POGZ: variants seen among roughly 807,000 people sequenced by gnomAD.
POGZ encodes pogo transposable element derived with ZNF domain, also known as pogo transposable element with ZNF domain.
Under a neutral mutation model 134.6 loss-of-function variants are expected in POGZ, and 17 were observed. The ratio of observed to expected loss-of-function variants is 0.13; its 90% CI spans 0.09 to 0.19. The LOEUF (loss-of-function observed/expected upper bound fraction) is 0.19, where lower values mean the gene tolerates loss of function less well. Ranked by LOEUF, POGZ falls within the 10% of genes least tolerant of loss-of-function variation. The probability of loss-of-function intolerance (pLI) is 1.00; values close to 1 mark genes in which losing one functional copy is unlikely to be tolerated. For missense variants in POGZ, 1,306 were observed against 1,769.7 expected, an observed-to-expected ratio of 0.74 and a Z score of 4.70; for synonymous variants, 693 against 657.1, an observed-to-expected ratio of 1.05 and a Z score of -0.84.
intron 10 of POGZ, among the ~76,000 whole-genome samples, chr1:151,421,313 T>C (rs1656872262): frequency 6.6e-6 from 1 of 151,052 alleles, no homozygotes; most frequent in African/African-American, 2.4e-5. Flanking sequence ...TGCCAATAAA[T>C]GGTCAGAGAT....
At chr1:151,407,136 G>T in intron 16 of POGZ, 99 bp downstream of exon 16, 1 of 1,235,646 alleles carries the variant, frequency 8.1e-7, no homozygotes, top group South Asian at 1.3e-5. Context: ...TCCTTTTTCT[G>T]AAATTAATTC....
In POGZ at chr1:151,425,033, G is replaced by A. The variant is rs1657537298; in HGVS notation, c.1107C>T (p.Leu369=). The A allele has an allele frequency of 4.4e-6, 7 of 1,589,104 alleles. No homozygotes were observed. The highest frequency in any genetic ancestry group is 6.0e-6 in the Non-Finnish European group (7 of 1,161,566). The change falls in exon 8 of 19, where the codon CTC becomes CTT. Residue 369 remains leucine, a synonymous_variant. Transcript: ENST00000271715. ...KVTSSIPVFD[L]QDGGRKICPR... ...GACATATTTTCCGTCCACCATCCTGGAGGTCAAATACTGGGATGGAAGAGG... is the reference window on the plus strand; with the variant it reads ...GACATATTTTCCGTCCACCATCCTGAAGGTCAAATACTGGGATGGAAGAGG...
At chr1:151,457,813 G>GC (rs1001551730) in intron 1 of POGZ, among the ~76,000 whole-genome samples, 1 of 152,018 alleles carries the variant, frequency 6.6e-6, no homozygotes, top group African/African-American at 2.4e-5. Context: ...TGTAATCCCA[G>GC]CTACTAGGAA....
At chr1:151,452,935 CTT>C (rs1191310770) in intron 1 of POGZ, among the ~76,000 whole-genome samples, 1 of 151,190 alleles carries the variant, frequency 6.6e-6, no homozygotes, top group Non-Finnish European at 1.5e-5. Context: ...TCACCCTTTT[CTT>C]TTTTCTTCTT....
At chr1:151,417,516 A>G (rs1655963740) in intron 10 of POGZ, among the ~76,000 whole-genome samples, 1 of 151,966 alleles carries the variant, frequency 6.6e-6, no homozygotes, top group Non-Finnish European at 1.5e-5. Flanking sequence ...GTGCACCACC[A>G]TGCCCAACTA....
chr1:151,424,754 A>G (rs1004185328), intron 8 of POGZ, among the ~76,000 whole-genome samples: 6 of 152,208 alleles, frequency 3.9e-5, no homozygotes, highest in Admixed American at 1.3e-4. Flanking sequence ...GTAAGATCAC[A>G]TATGTTCTGA....
intron 12 of POGZ, among the ~76,000 whole-genome samples, chr1:151,411,100 TCCAGG>T (rs994153296): frequency 6.6e-6 from 1 of 152,190 alleles, no homozygotes; most frequent in African/African-American, 2.4e-5. Context: ...AACACATCAC[TCCAGG>T]GCTTAAAACC....
chr1:151,432,313 G>A (rs1353725993), intron 3 of POGZ, among the ~76,000 whole-genome samples: 1 of 152,160 alleles, frequency 6.6e-6, no homozygotes, highest in Non-Finnish European at 1.5e-5. Context: ...TATCACCACA[G>A]TTAACTACAA....
At chr1:151,407,580 A>G (rs1204832203) in intron 15 of POGZ, among the ~76,000 whole-genome samples, 1 of 152,240 alleles carries the variant, frequency 6.6e-6, no homozygotes, top group Non-Finnish European at 1.5e-5. Flanking sequence ...GCAAGGCCCT[A>G]TGAAATTAGA....
intron 1 of POGZ, among the ~76,000 whole-genome samples, chr1:151,453,004 C>A (rs1330797076): frequency 6.6e-6 from 1 of 151,750 alleles, no homozygotes; most frequent in Admixed American, 6.7e-5. Flanking sequence ...CTCACTGCAA[C>A]CTCCACCTCC....
At chr1:151,455,713 G>A (rs1221600934) in intron 1 of POGZ, among the ~76,000 whole-genome samples, 1 of 152,100 alleles carries the variant, frequency 6.6e-6, no homozygotes, top group East Asian at 1.9e-4. Flanking sequence ...TCTCTTTTAT[G>A]TCTAACTTGA....
chr1:151,439,811 A>G (rs1660229159), intron 3 of POGZ, among the ~76,000 whole-genome samples: 1 of 152,236 alleles, frequency 6.6e-6, no homozygotes, highest in African/African-American at 2.4e-5. Flanking sequence ...TTGAGCCAAC[A>G]ATTTGTTTCA....
intron 18 of POGZ, 28 bp from the exon 19 acceptor site, chr1:151,406,492 G>A (rs769602477): frequency 1.2e-5 from 19 of 1,553,730 alleles, no homozygotes; most frequent in Non-Finnish European, 1.6e-5. Flanking sequence ...AAAGAGAAGA[G>A]GAGAAATCTC....
chr1:151,403,701 T>C lies in POGZ; in HGVS notation c.*1101A>G, dbSNP rs931302187. ...ATTCTTCCCTAAGTATTAAGAGAAATAGGGGAAAGCCACAGAGCACGCTGG... is the reference window on the plus strand; with the variant it reads ...ATTCTTCCCTAAGTATTAAGAGAAACAGGGGAAAGCCACAGAGCACGCTGG... On this transcript the variant is annotated 3_prime_UTR_variant, in exon 19 of 19. Coordinates refer to ENST00000271715, the MANE Select transcript of POGZ (RefSeq NM_015100.4). The C allele has an allele frequency of 1.4e-5, 14 of 985,710 alleles. No homozygotes were observed. The South Asian group carries it at 2.3e-4, about 17-fold the overall frequency. 61.1% of individuals were successfully genotyped at this position (985,710 alleles called of 1,614,324 possible).
chr1:151,447,508 G>T (rs540714636), intron 1 of POGZ, among the ~76,000 whole-genome samples: 14 of 151,798 alleles, frequency 9.2e-5, no homozygotes, highest in African/African-American at 3.4e-4. Flanking sequence ...CTGGAGTACA[G>T]TGGCACAATC....
At chr1:151,427,752 C>T in intron 7 of POGZ, 71 bp downstream of exon 7, 2 of 987,182 alleles carry the variant, frequency 2.0e-6, no homozygotes, top group Admixed American at 4.0e-5. Flanking sequence ...GAGTATAAAG[C>T]TCTGATACAA....
intron 3 of POGZ, among the ~76,000 whole-genome samples, chr1:151,434,499 C>A (rs1227552657): frequency 2.0e-5 from 3 of 152,070 alleles, no homozygotes; most frequent in African/African-American, 7.2e-5. Context: ...CAAAGAAAAC[C>A]TAAGAAACAA....
intron 7 of POGZ, chr1:151,427,079 T>C: frequency 6.6e-6 from 1 of 151,190 alleles, no homozygotes; most frequent in South Asian, 2.1e-4. Flanking sequence ...TAATCTTTTT[T>C]TTTTTTTTTT....
At chr1:151,409,642 T>C (rs1557875656) in intron 12 of POGZ, among the ~76,000 whole-genome samples, 1 of 152,032 alleles carries the variant, frequency 6.6e-6, no homozygotes, top group Non-Finnish European at 1.5e-5. Flanking sequence ...TGGCCCTTAC[T>C]TTTTTCCCTT....
Sources: allele counts gnomAD v4.1 joint callset (sites outside exome capture counted in the v4.1 genomes callset), GRCh38; gene constraint gnomAD v4.1.1; transcripts MANE v1.5; gene names NCBI Gene and HGNC (gene_info 2026-07-23, HGNC 2026-07-21).